Variants in LACTB2 observed in about 807,000 individuals in gnomAD.
The protein encoded by LACTB2 is lactamase beta 2.
A neutral mutation model predicts 34.8 loss-of-function variants in LACTB2; 32 were observed. The ratio of observed to expected loss-of-function variants is 0.92; its 90% CI spans 0.69 to 1.24. The LOEUF (loss-of-function observed/expected upper bound fraction) is 1.24. Ranked by LOEUF, LACTB2 falls within the 50% of genes most tolerant of loss-of-function variation. LACTB2 has a pLI of 0.00. For missense variants in LACTB2, 320 were observed against 345.0 expected (o/e 0.93, Z 0.57); for synonymous variants, 120 against 117.5 (o/e 1.02, Z -0.14).
intron 4 of LACTB2, 118 bp from the exon 5 acceptor site, chr8:70,641,168 A>C: frequency 1.1e-6 from 1 of 930,654 alleles, no homozygotes; most frequent in Non-Finnish European, 1.5e-6. Flanking sequence ...AGCATACTAA[A>C]TGTCAAATAT....
chr8:70,652,920 T>C (rs1004619882), intron 3 of LACTB2, among the ~76,000 whole-genome samples: 1 of 151,758 alleles, frequency 6.6e-6, no homozygotes, highest in African/African-American at 2.4e-5. Flanking sequence ...ACCAGTACTG[T>C]GATTCCCAAA....
At chr8:70,661,228 A>T (rs1284045134) in intron 2 of LACTB2, 1 of 354,670 alleles carries the variant, frequency 2.8e-6, no homozygotes, top group Non-Finnish European at 5.6e-6. Flanking sequence ...TGAATGAATG[A>T]ATCTAGGTAT....
chr8:70,644,111 G>T lies in LACTB2; in HGVS notation c.546C>A (p.Asn182Lys), dbSNP rs1238476724. The T allele has an allele frequency of 6.2e-7, 1 of 1,607,122 alleles. No homozygotes were observed. The highest frequency in any genetic ancestry group is 8.5e-7 in the Non-Finnish European group (1 of 1,176,950). ...TVFEDLYDYM[N>K]SLKELLKIKA... ...TGATTTTCAATAACTCTTTTAAAGA[G>T]TTCATATAATCATAGAGGTCTTCAA... The change falls in exon 4 of 7, where the codon AAC (asparagine) becomes AAA (lysine). Residue 182 changes from asparagine to lysine, a missense_variant. Coordinates refer to ENST00000276590, the MANE Select transcript of LACTB2 (RefSeq NM_016027.3).
At chr8:70,650,882 T>C (rs796096424) in intron 3 of LACTB2, among the ~76,000 whole-genome samples, 49 of 151,410 alleles carry the variant, frequency 3.2e-4, no homozygotes, top group African/African-American at 1.1e-3. Context: ...CAAAAGCACA[T>C]TGAAAGATCA....
intron 3 of LACTB2, among the ~76,000 whole-genome samples, chr8:70,655,612 G>C (rs1258963165): frequency 6.6e-6 from 1 of 152,180 alleles, no homozygotes. Flanking sequence ...ATGGGCATTT[G>C]AGTTGGTTCC....
chr8:70,649,890 G>GC, intron 3 of LACTB2, among the ~76,000 whole-genome samples: 1 of 152,224 alleles, frequency 6.6e-6, no homozygotes, highest in South Asian at 2.1e-4. Context: ...ACCTTGATGA[G>GC]CCTAGCCATA....
chr8:70,664,077 C>T (rs1290766395), intron 1 of LACTB2, among the ~76,000 whole-genome samples: 2 of 152,102 alleles, frequency 1.3e-5, no homozygotes, highest in Admixed American at 1.3e-4. Flanking sequence ...TGGCTGCCTC[C>T]ATGCATTTGC....
Position 70,661,903 on chromosome 8 carries a change from A to G in LACTB2, c.123-6T>C. ...CAGTGTCAATGAGGATTCTCCTGAA[A>G]ATTAAATGGAAGATAATCACACAAT... On this transcript the variant is annotated splice_polypyrimidine_tract_variant and splice_region_variant and intron_variant, in intron 1 of 6. Transcript: ENST00000276590. The G allele has an allele frequency of 6.3e-7, 1 of 1,594,820 alleles. No homozygotes were observed. Among genetic ancestry groups the G allele is most frequent in the Non-Finnish European group, 8.5e-7 (1 of 1,170,876 alleles).
chr8:70,645,412 T>C (rs1315786979), intron 3 of LACTB2, among the ~76,000 whole-genome samples: 1 of 152,232 alleles, frequency 6.6e-6, no homozygotes, highest in Non-Finnish European at 1.5e-5. Context: ...GCTTAATAAA[T>C]GGTAAATTTA....
chr8:70,651,339 A>G (rs1818339581), intron 3 of LACTB2, among the ~76,000 whole-genome samples: 1 of 152,184 alleles, frequency 6.6e-6, no homozygotes, highest in Admixed American at 6.5e-5. Context: ...GTTAGAAATC[A>G]TCTCTTTTGT....
At chr8:70,665,459 GTCAC>G (rs1279941481) in intron 1 of LACTB2, among the ~76,000 whole-genome samples, 1 of 152,182 alleles carries the variant, frequency 6.6e-6, no homozygotes, top group Non-Finnish European at 1.5e-5. Flanking sequence ...TCTATTTGCT[GTCAC>G]TCTTATAAAA....
At position 70,651,035 on chromosome 8, in the gene LACTB2, G is replaced by A. The variant is rs1211179930; in HGVS notation, c.413+6721C>T. Among the ~76,000 whole-genome samples the A allele has an allele frequency of 3.3e-5, 5 of 151,964 alleles. No homozygotes were observed. In the East Asian group the frequency reaches 9.7e-4, roughly 29 times the overall value. ...CATTTGATAAAATTCAACTCTTAAA[G>A]TATTTAAGAGAACTGAAATGACTAT... is the stretch of plus-strand genomic sequence containing the variant. On this transcript the variant is annotated intron_variant, in intron 3 of 6. Coordinates refer to ENST00000276590, the MANE Select transcript of LACTB2 (RefSeq NM_016027.3).
intron 3 of LACTB2, among the ~76,000 whole-genome samples, chr8:70,654,173 C>T (rs542180690): frequency 3.3e-5 from 5 of 152,140 alleles, no homozygotes; most frequent in Admixed American, 2.0e-4. Context: ...GCCCAGAAAG[C>T]GTTCTTGATA....
At chr8:70,663,468 C>A (rs1345942449) in intron 1 of LACTB2, among the ~76,000 whole-genome samples, 1 of 152,200 alleles carries the variant, frequency 6.6e-6, no homozygotes, top group African/African-American at 2.4e-5. Flanking sequence ...CAGTGTTGAA[C>A]TGTCCTATCC....
intron 1 of LACTB2, among the ~76,000 whole-genome samples, chr8:70,665,234 T>G (rs996992644): frequency 2.0e-5 from 3 of 152,240 alleles, no homozygotes; most frequent in African/African-American, 7.2e-5. Context: ...ATGCAAATTA[T>G]GCTAATGAAG....
chr8:70,648,281 G>A (rs1169009113), intron 3 of LACTB2, among the ~76,000 whole-genome samples: 2 of 152,136 alleles, frequency 1.3e-5, no homozygotes, highest in African/African-American at 4.8e-5. Context: ...AGGCATCTAA[G>A]GAAAGTTATG....
In LACTB2 at chr8:70,657,835, C is replaced by G; in HGVS notation, c.334G>C (p.Glu112Gln). Residue 112 changes from glutamate to glutamine, a missense_variant, in exon 3 of 7, where the codon GAA (glutamate) becomes CAA (glutamine). Glu to Gln is a conservative substitution (Grantham distance 29, BLOSUM62 2). Transcript: ENST00000276590. ...TGTTGCTCTCCATTTCCTATAATTT[C>G]TTCTCTCTGAGGATTCCGTGGGAGT... ...KKLPRNPQREEIIGNGEQQYV... is the reference protein window; with the variant it reads ...KKLPRNPQREQIIGNGEQQYV... 6.2e-7 allele frequency: 1 copy of G among 1,611,162 alleles called. No individual in the cohort carries two copies. Among genetic ancestry groups the G allele is most frequent in the Non-Finnish European group, 8.5e-7 (1 of 1,177,492 alleles).
At position 70,638,608 on chromosome 8, in the gene LACTB2, C is replaced by A. The variant is rs375740004; in HGVS notation, c.763G>T (p.Glu255Ter). 6.8e-7 allele frequency: 1 copy of A among 1,461,530 alleles called. No homozygotes were observed. Among genetic ancestry groups the A allele is most frequent in the Non-Finnish European group, 9.1e-7 (1 of 1,100,190 alleles). 90.5% of individuals were successfully genotyped at this position (1,461,530 alleles called of 1,614,324 possible). ...AGTAAGAGATTATGTTTAGCCATTT[C>A]ATGTAAATTCTCAGGAGTATTCTAA... ...IYKNTPENLH[E>*]MAKHNLLLHL... The change falls in exon 6 of 7, where the codon GAA (glutamate) becomes TAA (stop). Residue 255 changes from glutamate to a stop codon, truncating the protein, a stop_gained. Coordinates refer to ENST00000276590, the MANE Select transcript of LACTB2 (RefSeq NM_016027.3). LOFTEE classifies it high-confidence loss of function.
rs1359923141 is a variant in LACTB2 at position 70,661,112 on chromosome 8, A to G, written c.286+622T>C. ...TTATTTATTTACCAGTACCTTCCCTACTGGAATGAAAGCTCCATGAGAACA... is the reference window on the plus strand; with the variant it reads ...TTATTTATTTACCAGTACCTTCCCTGCTGGAATGAAAGCTCCATGAGAACA... On this transcript the variant is annotated intron_variant, in intron 2 of 6. Transcript: ENST00000276590. 8 of 451,246 alleles carry G rather than the reference A, an allele frequency of 1.8e-5. No homozygotes were observed. The East Asian group carries it at 2.1e-4, about 12-fold the overall frequency. The allele number at this position is 451,246 out of a possible 1,614,324, so 28.0% of individuals were successfully genotyped here. A position where few individuals can be genotyped will look rare whatever the true frequency, so the allele number is the denominator to read the frequency against.
Sources: allele counts gnomAD v4.1 joint callset (sites outside exome capture counted in the v4.1 genomes callset), GRCh38; gene constraint gnomAD v4.1.1; transcripts MANE v1.5; gene names NCBI Gene and HGNC (gene_info 2026-07-23, HGNC 2026-07-21).